The following ULK4 variants were observed in gnomAD, a reference collection of about 807,000 sequenced individuals.
ULK4 encodes unc-51 like kinase 4.
In ULK4, 133 loss-of-function variants were observed where a neutral mutation model predicts 160.6. The observed-to-expected ratio is 0.83, with a 90% CI of 0.72 to 0.96. The LOEUF (loss-of-function observed/expected upper bound fraction) is 0.96. Ranked by LOEUF, ULK4 falls within the 40% of genes least tolerant of loss-of-function variation. The pLI, the probability that ULK4 is intolerant of heterozygous loss-of-function variation, is 0.00. For synonymous variants in ULK4, 534 were observed against 539.8 expected, an observed-to-expected ratio of 0.99 and a Z score of 0.15; for missense variants, 1,580 against 1,499.5, an observed-to-expected ratio of 1.05 and a Z score of -0.89.
intron 16 of ULK4, among the ~76,000 whole-genome samples, chr3:41,891,972 A>C (rs1697985001): frequency 6.6e-6 from 1 of 152,228 alleles, no homozygotes; most frequent in Admixed American, 6.5e-5. Flanking sequence ...ACAGCAAAGA[A>C]ACAGGAAAAC....
At chr3:41,924,206 C>G (rs1699296556) in intron 5 of ULK4, among the ~76,000 whole-genome samples, 1 of 152,222 alleles carries the variant, frequency 6.6e-6, no homozygotes, top group South Asian at 2.1e-4. Context: ...CCCACCTACT[C>G]AAATATGTCA....
intron 32 of ULK4, among the ~76,000 whole-genome samples, chr3:41,508,400 C>T (rs1267984688): frequency 6.6e-6 from 1 of 152,110 alleles, no homozygotes; most frequent in Non-Finnish European, 1.5e-5. Context: ...GCTCTATGGC[C>T]CTGCCCACCA....
At chr3:41,505,279 C>G (rs1274201953) in intron 32 of ULK4, among the ~76,000 whole-genome samples, 8 of 152,146 alleles carry the variant, frequency 5.3e-5, no homozygotes, top group African/African-American at 1.7e-4. Flanking sequence ...CCTCATGCTC[C>G]TTCCAGACCC....
chr3:41,959,760 A>C (rs1199880218), intron 1 of ULK4, among the ~76,000 whole-genome samples: 2 of 151,372 alleles, frequency 1.3e-5, no homozygotes, highest in East Asian at 2.0e-4. Context: ...ACATGGTGAG[A>C]TCCCGACTCT....
At chr3:41,907,348 G>T (rs2148798768) in intron 12 of ULK4, among the ~76,000 whole-genome samples, 1 of 151,928 alleles carries the variant, frequency 6.6e-6, no homozygotes, top group South Asian at 2.1e-4. Context: ...CCAGGCTGGA[G>T]TGCGGTGGTG....
At chr3:41,590,042 A>G (rs994493498) in intron 31 of ULK4, among the ~76,000 whole-genome samples, 2 of 151,862 alleles carry the variant, frequency 1.3e-5, no homozygotes, top group Non-Finnish European at 2.9e-5. Flanking sequence ...TCTCTCTGTC[A>G]CCCAGGCTGG....
At chr3:41,479,357 A>G (rs1415163148) in intron 32 of ULK4, among the ~76,000 whole-genome samples, 1 of 152,184 alleles carries the variant, frequency 6.6e-6, no homozygotes, top group East Asian at 1.9e-4. Context: ...AGGAATTACA[A>G]AAAAAGTAAG....
intron 34 of ULK4, among the ~76,000 whole-genome samples, chr3:41,401,897 G>A (rs937717531): frequency 6.6e-5 from 10 of 152,122 alleles, no homozygotes; most frequent in African/African-American, 2.4e-4. Context: ...GTGATATACT[G>A]GAAAAATAAA....
chr3:41,782,786 G>A (rs541303169), intron 21 of ULK4, among the ~76,000 whole-genome samples: 11 of 152,242 alleles, frequency 7.2e-5, no homozygotes, highest in Admixed American at 7.2e-4. Flanking sequence ...AACTAAGGAT[G>A]TCCATACAAA....
intron 17 of ULK4, among the ~76,000 whole-genome samples, chr3:41,861,398 G>T (rs2042494159): frequency 6.6e-6 from 1 of 152,030 alleles, no homozygotes; most frequent in Admixed American, 6.6e-5. Flanking sequence ...ACATTTGAAG[G>T]ATATTTTCAC....
chr3:41,492,266 C>G (rs1328261709), intron 32 of ULK4, among the ~76,000 whole-genome samples: 6 of 152,132 alleles, frequency 3.9e-5, no homozygotes, highest in Non-Finnish European at 1.5e-5. Flanking sequence ...ATGGCTGGGA[C>G]AAATGGTATC....
At chr3:41,737,967 T>C (rs1161173074) in intron 22 of ULK4, among the ~76,000 whole-genome samples, 1 of 151,918 alleles carries the variant, frequency 6.6e-6, no homozygotes, top group Non-Finnish European at 1.5e-5. Context: ...GGTAGGCTAG[T>C]ATGGTAAGAA....
intron 27 of ULK4, among the ~76,000 whole-genome samples, chr3:41,702,620 C>T (rs1234969887): frequency 1.3e-5 from 2 of 151,890 alleles, no homozygotes; most frequent in African/African-American, 2.4e-5. Flanking sequence ...AAAAACATTA[C>T]TAGATATAAA....
chr3:41,498,164 GT>G (rs1278000688), intron 32 of ULK4, among the ~76,000 whole-genome samples: 12 of 152,206 alleles, frequency 7.9e-5, no homozygotes, highest in Admixed American at 5.2e-4. Context: ...AAAATAATAA[GT>G]TTAGGAATTT....
chr3:41,387,997 A>G (rs549391176), intron 35 of ULK4, among the ~76,000 whole-genome samples: 2 of 152,314 alleles, frequency 1.3e-5, no homozygotes, highest in East Asian at 3.9e-4. Context: ...CCAACAGTGT[A>G]AAAGTGTTCT....
At chr3:41,616,410 G>A (rs2032966231) in intron 30 of ULK4, among the ~76,000 whole-genome samples, 2 of 152,186 alleles carry the variant, frequency 1.3e-5, no homozygotes, top group South Asian at 4.1e-4. Flanking sequence ...CAACACAGAA[G>A]GCAGGTATTT....
At chr3:41,919,616 T>A in intron 6 of ULK4, 101 bp downstream of exon 6, 3 of 971,676 alleles carry the variant, frequency 3.1e-6, no homozygotes, top group Non-Finnish European at 4.7e-6. Flanking sequence ...TAAAAAAAAA[T>A]CTAGTTTTTT....
intron 5 of ULK4, among the ~76,000 whole-genome samples, chr3:41,927,325 C>G (rs1032712380): frequency 7.2e-5 from 11 of 152,140 alleles, no homozygotes; most frequent in African/African-American, 2.4e-4. Flanking sequence ...CCAGGCCTGC[C>G]TTACAAGAGC....
intron 35 of ULK4, among the ~76,000 whole-genome samples, chr3:41,327,669 G>A (rs2080363524): frequency 1.3e-5 from 2 of 152,182 alleles, no homozygotes; most frequent in South Asian, 2.1e-4. Context: ...AGCACCAGAG[G>A]AGACTGCAGG....
Sources: gnomAD v4.1 joint callset for allele counts (sites outside exome capture counted in the v4.1 genomes callset) on GRCh38, gnomAD v4.1.1 for gene constraint, MANE v1.5 for transcripts, NCBI Gene and HGNC (gene_info 2026-07-23, HGNC 2026-07-21) for gene names.